The following ZNF846 variants were observed in gnomAD, a reference collection of about 807,000 sequenced individuals.
The protein encoded by ZNF846 is zinc finger protein 846.
In ZNF846, 15 loss-of-function variants were observed where a neutral mutation model predicts 16.0. That is an observed-to-expected ratio of 0.94 (90% CI 0.63 to 1.45). The LOEUF (loss-of-function observed/expected upper bound fraction) is 1.45. Among genes scored for constraint, ZNF846 ranks in the 40% most tolerant of loss-of-function variants. The probability of loss-of-function intolerance (pLI) is 0.00; values close to 1 mark genes in which losing one functional copy is unlikely to be tolerated. For missense variants in ZNF846, 714 were observed against 622.3 expected (o/e 1.15, Z -1.57); for synonymous variants, 229 against 212.0 (o/e 1.08, Z -0.70).
chr19:9,759,513 G>A (rs1401122145), intron 5 of ZNF846, among the ~76,000 whole-genome samples: 1 of 151,664 alleles, frequency 6.6e-6, no homozygotes, highest in East Asian at 1.9e-4. Context: ...TGAGGCTGGA[G>A]GATCATTTGA....
At chr19:9,760,054 G>C (rs1047121027) in intron 4 of ZNF846, 112 bp from the exon 5 acceptor site, 2 of 692,912 alleles carry the variant, frequency 2.9e-6, no homozygotes, top group Admixed American at 2.6e-5. Flanking sequence ...CACTTTTGGA[G>C]GCCTAGATAG....
At chr19:9,762,228 A>G (rs1397966726) in intron 3 of ZNF846, 60 bp from the exon 4 acceptor site, 1 of 1,303,882 alleles carries the variant, frequency 7.7e-7, no homozygotes, top group African/African-American at 1.5e-5. Context: ...ATGTCCTTCA[A>G]TGGGGAACCA....
At chr19:9,750,268 C>A (rs1391190182), downstream of ZNF846, among the ~76,000 whole-genome samples, 2 of 152,176 alleles carry the variant, frequency 1.3e-5, no homozygotes, top group Admixed American at 1.3e-4. Context: ...CTCCTCCTGA[C>A]CCCTCCTCTT....
chr19:9,756,341 G>GTATATATA (rs1227501667), downstream of ZNF846: 1 of 64,722 alleles, frequency 1.5e-5, no homozygotes, highest in Non-Finnish European at 2.6e-5. Context: ...GTGTGTGTGT[G>GTATATATA]TGTGTATATA....
At chr19:9,765,001 G>C in exon 2 of ZNF846, 1 of 1,606,008 alleles carries the variant, frequency 6.2e-7, no homozygotes, top group South Asian at 1.1e-5. Context: ...CGATGTTCCT[G>C]TCATGAAGAC....
At chr19:9,775,300 C>G (rs568543426) in intron 1 of ZNF846, among the ~76,000 whole-genome samples, 1 of 151,744 alleles carries the variant, frequency 6.6e-6, no homozygotes, top group Non-Finnish European at 1.5e-5. Context: ...GGAGCACAAA[C>G]GTCTGATAAT....
chr19:9,779,738 T>C (rs992491412), intron 1 of ZNF846, among the ~76,000 whole-genome samples: 1 of 151,756 alleles, frequency 6.6e-6, no homozygotes, highest in African/African-American at 2.4e-5. Flanking sequence ...ACCCAGCTAA[T>C]TTTTTGTATT....
At chr19:9,779,765 T>G (rs1308861163) in intron 1 of ZNF846, among the ~76,000 whole-genome samples, 1 of 151,638 alleles carries the variant, frequency 6.6e-6, no homozygotes, top group African/African-American at 2.4e-5. Flanking sequence ...AGAGACGAGG[T>G]TTCACCATGT....
At chr19:9,756,757 T>A (rs2045140589), downstream of ZNF846, 1 of 151,798 alleles carries the variant, frequency 6.6e-6, no homozygotes, top group Admixed American at 6.5e-5. Context: ...TCCTGAGCAC[T>A]AAGTAAATGT....
intron 1 of ZNF846, among the ~76,000 whole-genome samples, chr19:9,779,372 G>T (rs1251456301): frequency 6.6e-6 from 1 of 151,120 alleles, no homozygotes; most frequent in Admixed American, 6.6e-5. Context: ...GGGTTCAAGC[G>T]ATTCTCCTGC....
chr19:9,758,409 T>C (rs1332750999), exon 6 of ZNF846: 2 of 1,613,120 alleles, frequency 1.2e-6, no homozygotes, highest in Non-Finnish European at 1.7e-6. Flanking sequence ...ATAGTGTTTG[T>C]CTCCATTGTG....
At chr19:9,756,848 G>A (rs2045141555), downstream of ZNF846, 1 of 151,702 alleles carries the variant, frequency 6.6e-6, no homozygotes, top group Admixed American at 6.6e-5. Flanking sequence ...AGTATTTTAA[G>A]GCTATCTCTC....
chr19:9,764,014 C>A (rs1352145676), intron 2 of ZNF846, among the ~76,000 whole-genome samples: 1 of 152,144 alleles, frequency 6.6e-6, no homozygotes, highest in Admixed American at 6.6e-5. Context: ...GATGTGCTTC[C>A]CCCTGCACAG....
chr19:9,772,110 T>G (rs983249893), upstream of ZNF846, among the ~76,000 whole-genome samples: 1 of 152,122 alleles, frequency 6.6e-6, no homozygotes, highest in South Asian at 2.1e-4. Flanking sequence ...TTTAAAATAC[T>G]ATTTTTCCCC....
chr19:9,760,855 G>A (rs2045215398), intron 4 of ZNF846, among the ~76,000 whole-genome samples: 1 of 151,540 alleles, frequency 6.6e-6, no homozygotes, highest in Non-Finnish European at 1.5e-5. Context: ...GGGTGAGTGG[G>A]GACTGACTAC....
chr19:9,751,051 C>T (rs2045079865), downstream of ZNF846, among the ~76,000 whole-genome samples: 1 of 152,202 alleles, frequency 6.6e-6, no homozygotes, highest in South Asian at 2.1e-4. Flanking sequence ...TGGCCACTCT[C>T]TAACTGGGTA....
chr19:9,776,212 G>T (rs117085323), intron 1 of ZNF846, among the ~76,000 whole-genome samples: 1 of 152,190 alleles, frequency 6.6e-6, no homozygotes, highest in Admixed American at 6.5e-5. Flanking sequence ...TTCCCCGGGG[G>T]GGTTTATAGA....
intron 1 of ZNF846, among the ~76,000 whole-genome samples, chr19:9,767,160 T>C (rs1288097822): frequency 6.6e-6 from 1 of 151,398 alleles, no homozygotes; most frequent in Non-Finnish European, 1.5e-5. Context: ...ATTTAGACGG[T>C]GTTTTGCTCT....
At chr19:9,767,045 T>G (rs951813866) in intron 1 of ZNF846, among the ~76,000 whole-genome samples, 1 of 152,026 alleles carries the variant, frequency 6.6e-6, no homozygotes. Context: ...CCAGCTTGTC[T>G]CAAACTCATA....
Sources: allele counts gnomAD v4.1 joint callset (sites outside exome capture counted in the v4.1 genomes callset), GRCh38; gene constraint gnomAD v4.1.1; transcripts MANE v1.5; gene names NCBI Gene and HGNC (gene_info 2026-07-23, HGNC 2026-07-21).